The following DNAJC3 variants were observed in gnomAD, a reference collection of about 807,000 sequenced individuals.
DNAJC3 encodes DnaJ heat shock protein family (Hsp40) member C3, also known as dnaJ homolog subfamily C member 3.
A neutral mutation model predicts 68.6 loss-of-function variants in DNAJC3; 38 were observed. The ratio of observed to expected loss-of-function variants is 0.55; its 90% CI spans 0.43 to 0.73. DNAJC3 has a LOEUF of 0.73. Ranked by LOEUF, DNAJC3 falls within the 30% of genes least tolerant of loss-of-function variation. The probability of loss-of-function intolerance (pLI) is 0.00; values close to 1 mark genes in which losing one functional copy is unlikely to be tolerated. For missense variants in DNAJC3, 526 were observed against 591.9 expected (o/e 0.89, Z 1.16); for synonymous variants, 203 against 204.0 (o/e 1.00, Z 0.04).
intron 9 of DNAJC3, among the ~76,000 whole-genome samples, chr13:95,764,695 C>CACACAT (rs1278619668): frequency 1.5e-4 from 17 of 114,788 alleles, no homozygotes; most frequent in Non-Finnish European, 2.3e-4. Flanking sequence ...CACACACACA[C>CACACAT]ATATATATAT....
chr13:95,751,841 A>C (rs1202583049), intron 4 of DNAJC3, among the ~76,000 whole-genome samples: 1 of 152,180 alleles, frequency 6.6e-6, no homozygotes, highest in Admixed American at 6.5e-5. Flanking sequence ...AAGGTGAAGG[A>C]GGAGCAAAGG....
At chr13:95,779,178 G>A (rs1413441911) in intron 9 of DNAJC3, among the ~76,000 whole-genome samples, 1 of 137,528 alleles carries the variant, frequency 7.3e-6, no homozygotes. Flanking sequence ...AGGCTGGAGT[G>A]CAGTGGCATG....
intron 4 of DNAJC3, chr13:95,742,766 C>G (rs564435637): frequency 9.6e-6 from 5 of 519,032 alleles, no homozygotes; most frequent in South Asian, 5.6e-5. Context: ...ATGCCTTCCT[C>G]AGTCTTTAAA....
At chr13:95,777,603 A>G (rs1303599644) in intron 9 of DNAJC3, among the ~76,000 whole-genome samples, 2 of 152,222 alleles carry the variant, frequency 1.3e-5, no homozygotes, top group African/African-American at 2.4e-5. Context: ...TAGGACATTA[A>G]ATTATAATAA....
chr13:95,685,769 A>G (rs1388226428), intron 1 of DNAJC3, among the ~76,000 whole-genome samples: 2 of 151,808 alleles, frequency 1.3e-5, no homozygotes, highest in Admixed American at 6.6e-5. Flanking sequence ...ATGTGTTACA[A>G]TTTCTTCACC....
intron 7 of DNAJC3, among the ~76,000 whole-genome samples, chr13:95,762,618 CTTCT>C: frequency 6.6e-6 from 1 of 151,770 alleles, no homozygotes; most frequent in Non-Finnish European, 1.5e-5. Context: ...TTTTTGTTTT[CTTCT>C]TTAAGTTCCA....
At chr13:95,716,987 C>G (rs899421329) in intron 2 of DNAJC3, among the ~76,000 whole-genome samples, 1 of 152,142 alleles carries the variant, frequency 6.6e-6, no homozygotes, top group Admixed American at 6.5e-5. Flanking sequence ...CTTCCCTGCC[C>G]CCCTCCCATA....
intron 1 of DNAJC3, among the ~76,000 whole-genome samples, chr13:95,682,527 A>C (rs1879946840): frequency 6.6e-6 from 1 of 152,146 alleles, no homozygotes; most frequent in African/African-American, 2.4e-5. Context: ...AAGATATTCT[A>C]ATACTAATTT....
intron 1 of DNAJC3, among the ~76,000 whole-genome samples, chr13:95,686,113 C>T (rs532359561): frequency 6.6e-6 from 1 of 152,298 alleles, no homozygotes; most frequent in African/African-American, 2.4e-5. Flanking sequence ...AGGTGCCTGC[C>T]ACCATGCCCG....
rs563224820 is a variant in DNAJC3 at position 95,748,811 on chromosome 13, G to A, written c.394-8833G>A. Among the ~76,000 whole-genome samples, 7 of 152,174 alleles carry A rather than the reference G, an allele frequency of 4.6e-5. No homozygotes were observed. The East Asian group carries it at 5.8e-4, about 13-fold the overall frequency. ...AGCCTGGGTGACAGAGCCAGACTCC[G>A]TCTCAAAACAAACAAACAAACAAAC... On this transcript the variant is annotated intron_variant, in intron 4 of 11. Transcript: ENST00000602402.
intron 1 of DNAJC3, among the ~76,000 whole-genome samples, chr13:95,691,837 G>A (rs140659369): frequency 0.013 from 1,958 of 152,318 alleles, 49 homozygotes; most frequent in African/African-American, 0.045. Flanking sequence ...CGGATCACTC[G>A]CGGTTAGGAG....
intron 4 of DNAJC3, chr13:95,742,995 T>C: frequency 2.5e-6 from 1 of 405,972 alleles, no homozygotes; most frequent in Non-Finnish European, 4.8e-6. Context: ...TGTTTTGCCT[T>C]TAGGTATCAG....
At chr13:95,783,629 T>C (rs1460942860) in intron 9 of DNAJC3, among the ~76,000 whole-genome samples, 3 of 152,196 alleles carry the variant, frequency 2.0e-5, no homozygotes, top group Non-Finnish European at 4.4e-5. Context: ...ATGCGAGAAT[T>C]CACTTTAGGA....
intron 2 of DNAJC3, among the ~76,000 whole-genome samples, chr13:95,719,693 A>T (rs969781514): frequency 6.6e-6 from 1 of 152,222 alleles, no homozygotes; most frequent in African/African-American, 2.4e-5. Flanking sequence ...ATTTATGTAG[A>T]TTTGGTGTTA....
chr13:95,677,393 C>G, intron 1 of DNAJC3, 56 bp downstream of exon 1: 2 of 1,510,978 alleles, frequency 1.3e-6, no homozygotes, highest in Admixed American at 2.1e-5. Context: ...GCCCCCCGCG[C>G]TTTCCCGTCT....
At chr13:95,747,878 A>C (rs922776845) in intron 4 of DNAJC3, among the ~76,000 whole-genome samples, 3 of 152,228 alleles carry the variant, frequency 2.0e-5, no homozygotes, top group Admixed American at 6.5e-5. Flanking sequence ...GATTGTTCAA[A>C]TTGTCCATGC....
chr13:95,727,150 G>A (rs1881555603), intron 4 of DNAJC3, among the ~76,000 whole-genome samples: 1 of 151,496 alleles, frequency 6.6e-6, no homozygotes, highest in Admixed American at 6.6e-5. Context: ...TAAAACATGA[G>A]AATGTGTTTC....
At chr13:95,779,115 CTTTCTTTTTT>C (rs1329318212) in intron 9 of DNAJC3, among the ~76,000 whole-genome samples, 2 of 122,298 alleles carry the variant, frequency 1.6e-5, no homozygotes, top group Admixed American at 1.7e-4. Context: ...ATATTTTCTT[CTTTCTTTTTT>C]TTTTTTTTTT....
chr13:95,682,399 C>G (rs934561793), intron 1 of DNAJC3, among the ~76,000 whole-genome samples: 4 of 152,086 alleles, frequency 2.6e-5, no homozygotes, highest in Admixed American at 6.6e-5. Context: ...GTATCTTTGA[C>G]TATGAGTTCT....
Sources: gnomAD v4.1 joint callset for allele counts (sites outside exome capture counted in the v4.1 genomes callset) on GRCh38, gnomAD v4.1.1 for gene constraint, MANE v1.5 for transcripts, NCBI Gene and HGNC (gene_info 2026-07-23, HGNC 2026-07-21) for gene names.